The following MARCHF8 variants were observed in gnomAD, a reference collection of about 807,000 sequenced individuals.
MARCHF8 encodes E3 ubiquitin-protein ligase MARCHF8.
Under a neutral mutation model 51.6 loss-of-function variants are expected in MARCHF8, and 40 were observed. That is an observed-to-expected ratio of 0.77 (90% CI 0.60 to 1.01). The LOEUF is 1.01. MARCHF8 is among the 50% of genes least tolerant of loss of function. The pLI is 0.00. For synonymous variants in MARCHF8, 263 were observed against 280.3 expected (o/e 0.94, Z 0.62); for missense variants, 685 against 708.6 (o/e 0.97, Z 0.38).
chr10:45,531,716 G>A (rs531121644), intron 2 of MARCHF8, among the ~76,000 whole-genome samples: 73 of 152,214 alleles, frequency 4.8e-4, no homozygotes, highest in Non-Finnish European at 8.5e-4. Context: ...CTTCAGCGAG[G>A]GTGTGTTAAC....
chr10:45,526,355 A>T (rs966797171), intron 2 of MARCHF8, among the ~76,000 whole-genome samples: 1 of 152,232 alleles, frequency 6.6e-6, no homozygotes, highest in African/African-American at 2.4e-5. Context: ...AGAGACTCCC[A>T]GGGCTCCACA....
rs74940661 is a variant in MARCHF8, at chr10:45,464,132, G to C, written c.242+107C>G. The C allele has an allele frequency of 1.5e-3, 2,366 of 1,552,812 alleles. 31 individuals carry two copies. In the African/African-American group the frequency reaches 0.027, roughly 18 times the overall value. On this transcript the variant is annotated intron_variant, in intron 4 of 7. Transcript: ENST00000453424. ...ACACATAAAACTCGCCAACTGTTTA[G>C]ACCAAAGGCAGATTGATTAAGCAAA... is the stretch of plus-strand genomic sequence containing the variant.
chr10:45,551,370 G>A (rs903602328), intron 1 of MARCHF8, among the ~76,000 whole-genome samples: 4 of 152,006 alleles, frequency 2.6e-5, no homozygotes, highest in African/African-American at 4.8e-5. Flanking sequence ...TCTGTCAACT[G>A]CCCCTGGTTT....
intron 3 of MARCHF8, among the ~76,000 whole-genome samples, chr10:45,471,499 G>A (rs748708098): frequency 2.0e-5 from 3 of 152,194 alleles, no homozygotes; most frequent in Non-Finnish European, 4.4e-5. Flanking sequence ...ACGGTGAAAG[G>A]GGCTGTGTTT....
chr10:45,504,388 G>A (rs1254501797), intron 2 of MARCHF8, among the ~76,000 whole-genome samples: 1 of 152,248 alleles, frequency 6.6e-6, no homozygotes. Flanking sequence ...AGGTTGCGGT[G>A]AGCCGAGATC....
chr10:45,480,025 C>A (rs529178062), intron 3 of MARCHF8, among the ~76,000 whole-genome samples: 1 of 152,170 alleles, frequency 6.6e-6, no homozygotes, highest in African/African-American at 2.4e-5. Flanking sequence ...GAAATCCAGG[C>A]TGAGGTGGTC....
intron 3 of MARCHF8, among the ~76,000 whole-genome samples, chr10:45,482,267 T>C (rs71499565): frequency 0.062 from 9,440 of 152,242 alleles, 335 homozygotes; most frequent in Non-Finnish European, 0.067. Flanking sequence ...TCAATGCAAT[T>C]GCTATCAAAA....
At chr10:45,541,148 T>C (rs1221930380) in intron 1 of MARCHF8, among the ~76,000 whole-genome samples, 5 of 152,106 alleles carry the variant, frequency 3.3e-5, no homozygotes, top group Admixed American at 3.3e-4. Flanking sequence ...CTATTCACAA[T>C]AGCAAAGACT....
chr10:45,580,503 C>G (rs571177180), intron 1 of MARCHF8, among the ~76,000 whole-genome samples: 10 of 152,148 alleles, frequency 6.6e-5, no homozygotes, highest in Admixed American at 2.6e-4. Flanking sequence ...TTTCTTGAGG[C>G]CATGGCACCA....
chr10:45,561,169 A>C (rs866971785), intron 1 of MARCHF8, among the ~76,000 whole-genome samples: 3 of 152,212 alleles, frequency 2.0e-5, no homozygotes, highest in Non-Finnish European at 4.4e-5. Context: ...ACAATAAAAA[A>C]ATTACTATAT....
At chr10:45,594,219 A>G (rs1046548789) in intron 1 of MARCHF8, 8 of 152,274 alleles carry the variant, frequency 5.3e-5, no homozygotes, top group African/African-American at 1.7e-4. Context: ...TAGCAATTAA[A>G]GGACAAAATA....
At chr10:45,478,517 T>C (rs2042825870) in intron 3 of MARCHF8, among the ~76,000 whole-genome samples, 1 of 133,110 alleles carries the variant, frequency 7.5e-6, no homozygotes, top group African/African-American at 2.8e-5. Flanking sequence ...CCAAAATTAG[T>C]AAAAGAAAAG....
intron 3 of MARCHF8, among the ~76,000 whole-genome samples, chr10:45,483,499 T>C (rs931838586): frequency 8.5e-5 from 13 of 152,064 alleles, no homozygotes; most frequent in Admixed American, 4.6e-4. Flanking sequence ...GTATGAAAAA[T>C]AGTATGGGAA....
chr10:45,481,552 A>G (rs1416624117), intron 3 of MARCHF8, among the ~76,000 whole-genome samples: 2 of 152,198 alleles, frequency 1.3e-5, no homozygotes, highest in East Asian at 1.9e-4. Context: ...GTGGTAGTGA[A>G]TAAGTCTCAT....
intron 6 of MARCHF8, chr10:45,459,804 C>A (rs1338452421): frequency 1.1e-4 from 109 of 985,328 alleles, no homozygotes; most frequent in Non-Finnish European, 1.3e-4. Context: ...CTGGTACAAG[C>A]AGACTCTGCT....
intron 2 of MARCHF8, among the ~76,000 whole-genome samples, chr10:45,502,909 T>G (rs1322602820): frequency 6.6e-6 from 1 of 152,148 alleles, no homozygotes; most frequent in Non-Finnish European, 1.5e-5. Context: ...CTCTTGATTC[T>G]TTACATTTGA....
chr10:45,467,838 T>C (rs1843021654), intron 3 of MARCHF8, among the ~76,000 whole-genome samples: 2 of 152,160 alleles, frequency 1.3e-5, no homozygotes, highest in Non-Finnish European at 2.9e-5. Context: ...CGACAATTAC[T>C]AATAAAAGTG....
intron 7 of MARCHF8, among the ~76,000 whole-genome samples, chr10:45,458,753 G>A (rs1247217635): frequency 6.6e-6 from 1 of 152,124 alleles, no homozygotes; most frequent in Non-Finnish European, 1.5e-5. Context: ...CTGAGCCTCA[G>A]CAATCCTCCA....
At chr10:45,523,039 A>G (rs1187783981) in intron 2 of MARCHF8, among the ~76,000 whole-genome samples, 1 of 152,156 alleles carries the variant, frequency 6.6e-6, no homozygotes, top group Non-Finnish European at 1.5e-5. Flanking sequence ...GTCTATATTC[A>G]TGTGCAAGCA....
Sources: gnomAD v4.1 joint callset for allele counts (sites outside exome capture counted in the v4.1 genomes callset) on GRCh38, gnomAD v4.1.1 for gene constraint, MANE v1.5 for transcripts, NCBI Gene and HGNC (gene_info 2026-07-23, HGNC 2026-07-21) for gene names.